C8orf34: variants seen among roughly 807,000 people sequenced by gnomAD.
C8orf34 encodes chromosome 8 open reading frame 34.
C8orf34 carries 65 observed loss-of-function variants against 68.3 expected under a neutral mutation model. The ratio of observed to expected loss-of-function variants is 0.95; its 90% CI spans 0.78 to 1.17. The LOEUF is 1.17. C8orf34 is among the 50% of genes most tolerant of loss of function. The probability of loss-of-function intolerance (pLI) is 0.00; values close to 1 mark genes in which losing one functional copy is unlikely to be tolerated. For missense variants in C8orf34, 664 were observed against 655.4 expected (o/e 1.01, Z -0.14); for synonymous variants, 244 against 241.2 (o/e 1.01, Z -0.11).
At chr8:68,616,311 C>G (rs1378107361) in intron 7 of C8orf34, among the ~76,000 whole-genome samples, 3 of 151,952 alleles carry the variant, frequency 2.0e-5, no homozygotes, top group South Asian at 4.1e-4. Context: ...TCTGATTTTA[C>G]TTATTTCTTG....
At chr8:68,431,097 T>C (rs1433991765) in intron 1 of C8orf34, among the ~76,000 whole-genome samples, 1 of 152,074 alleles carries the variant, frequency 6.6e-6, no homozygotes, top group Non-Finnish European at 1.5e-5. Context: ...AGGCTATAAA[T>C]CCAGGTCAAA....
intron 1 of C8orf34, among the ~76,000 whole-genome samples, chr8:68,372,191 C>T (rs1284320073): frequency 2.0e-5 from 3 of 152,118 alleles, no homozygotes; most frequent in East Asian, 1.9e-4. Context: ...AGTTAGAAAA[C>T]GGAAACCACA....
chr8:68,674,001 G>A (rs1367608385), intron 8 of C8orf34, among the ~76,000 whole-genome samples: 1 of 152,180 alleles, frequency 6.6e-6, no homozygotes, highest in Non-Finnish European at 1.5e-5. Context: ...GTAATCCAGA[G>A]AATTCTTCTG....
intron 7 of C8orf34, among the ~76,000 whole-genome samples, chr8:68,623,837 C>G (rs1818456821): frequency 6.6e-6 from 1 of 152,072 alleles, no homozygotes; most frequent in Admixed American, 6.6e-5. Flanking sequence ...CCCAAAGGGC[C>G]CACCTCCTAA....
intron 1 of C8orf34, among the ~76,000 whole-genome samples, chr8:68,421,312 G>A (rs934564695): frequency 4.6e-5 from 7 of 152,152 alleles, no homozygotes; most frequent in Admixed American, 2.6e-4. Context: ...TGAATTTCCT[G>A]AATTTTCTTT....
chr8:68,755,905 A>C (rs1012727362), intron 10 of C8orf34, among the ~76,000 whole-genome samples: 11 of 90,110 alleles, frequency 1.2e-4, no homozygotes, highest in African/African-American at 8.3e-4. Flanking sequence ...CTAAAAATAC[A>C]AAAAAAAAAA....
At chr8:68,590,115 GAGAA>G (rs1468589402) in intron 7 of C8orf34, among the ~76,000 whole-genome samples, 1 of 145,410 alleles carries the variant, frequency 6.9e-6, no homozygotes, top group Non-Finnish European at 1.5e-5. Context: ...AAAAAGAAAA[GAGAA>G]AGGAAGAGAA....
intron 8 of C8orf34, among the ~76,000 whole-genome samples, chr8:68,643,927 C>T (rs1421949422): frequency 3.3e-5 from 5 of 152,204 alleles, no homozygotes; most frequent in African/African-American, 9.7e-5. Context: ...GCTCTAGACT[C>T]TGAGGCCAGC....
intron 7 of C8orf34, chr8:68,535,240 A>G (rs1020026825): frequency 1.0e-6 from 1 of 977,788 alleles, no homozygotes; most frequent in South Asian, 4.7e-5. Context: ...TATAGAGTTT[A>G]TATAGAATCA....
intron 5 of C8orf34, among the ~76,000 whole-genome samples, chr8:68,496,801 G>A (rs1331383159): frequency 6.6e-6 from 1 of 152,170 alleles, no homozygotes; most frequent in East Asian, 1.9e-4. Context: ...AACAAGCAGA[G>A]CATACTGAAA....
chr8:68,545,794 T>G (rs1157246599), intron 7 of C8orf34, among the ~76,000 whole-genome samples: 1 of 152,090 alleles, frequency 6.6e-6, no homozygotes, highest in Non-Finnish European at 1.5e-5. Flanking sequence ...AGAATGAAGA[T>G]TAGCTGAAAT....
At chr8:68,486,599 G>C (rs775943151) in intron 4 of C8orf34, among the ~76,000 whole-genome samples, 1 of 152,130 alleles carries the variant, frequency 6.6e-6, no homozygotes, top group Non-Finnish European at 1.5e-5. Flanking sequence ...GAAGTTGTGC[G>C]TACTTTTTCA....
intron 3 of C8orf34, among the ~76,000 whole-genome samples, chr8:68,466,763 A>ATATATATATATATATATATATATATG (rs1812164105): frequency 6.9e-6 from 1 of 145,982 alleles, no homozygotes; most frequent in African/African-American, 2.6e-5. Flanking sequence ...ATATATATAT[A>ATATATATATATATATATATATATATG]TAGATGCTTT....
intron 5 of C8orf34, among the ~76,000 whole-genome samples, chr8:68,502,354 C>T (rs1175232475): frequency 1.3e-5 from 2 of 152,204 alleles, no homozygotes; most frequent in Non-Finnish European, 2.9e-5. Context: ...CCTGAAATAG[C>T]TCTATCTTGT....
At chr8:68,449,386 T>C (rs1414302742) in intron 3 of C8orf34, among the ~76,000 whole-genome samples, 3 of 152,146 alleles carry the variant, frequency 2.0e-5, no homozygotes, top group Non-Finnish European at 4.4e-5. Flanking sequence ...TTTGAAAACA[T>C]TTTCATCATC....
intron 7 of C8orf34, among the ~76,000 whole-genome samples, chr8:68,566,618 G>A (rs969765964): frequency 2.0e-5 from 3 of 152,206 alleles, no homozygotes; most frequent in African/African-American, 7.2e-5. Context: ...GAATTGAAGA[G>A]AGTTAGGCCT....
At chr8:68,523,681 A>G (rs528470371) in intron 6 of C8orf34, among the ~76,000 whole-genome samples, 2 of 152,158 alleles carry the variant, frequency 1.3e-5, no homozygotes, top group South Asian at 2.1e-4. Flanking sequence ...TATTTTCTCC[A>G]TCTTCTAATA....
chr8:68,780,939 C>T (rs1400577968), intron 11 of C8orf34, among the ~76,000 whole-genome samples: 3 of 152,204 alleles, frequency 2.0e-5, no homozygotes, highest in African/African-American at 7.2e-5. Flanking sequence ...CAGTCCATTA[C>T]ATGTATCCAG....
chr8:68,710,436 G>A (rs556596049), intron 9 of C8orf34, among the ~76,000 whole-genome samples: 2 of 152,252 alleles, frequency 1.3e-5, no homozygotes, highest in South Asian at 4.2e-4. Flanking sequence ...GCTGTTGAGG[G>A]GGCACGGTGG....
Sources: gnomAD v4.1 joint callset for allele counts (sites outside exome capture counted in the v4.1 genomes callset) on GRCh38, gnomAD v4.1.1 for gene constraint, MANE v1.5 for transcripts, NCBI Gene and HGNC (gene_info 2026-07-23, HGNC 2026-07-21) for gene names.